Variants in HDAC9 observed in about 807,000 individuals in gnomAD.
HDAC9 encodes the protein histone deacetylase 9, also known as MEF-2 interacting transcription repressor (MITR) protein.
In HDAC9, 41 loss-of-function variants were observed where a neutral mutation model predicts 139.4. The ratio of observed to expected loss-of-function variants is 0.29; its 90% CI spans 0.23 to 0.38. HDAC9 has a LOEUF of 0.38. Among genes scored for constraint, HDAC9 ranks in the 10% least tolerant of loss-of-function variants. The probability of loss-of-function intolerance (pLI) is 1.00; values close to 1 mark genes in which losing one functional copy is unlikely to be tolerated. For synonymous variants in HDAC9, 517 were observed against 476.2 expected (o/e 1.09, Z -1.12); for missense variants, 1,147 against 1,297.0 (o/e 0.88, Z 1.78).
In HDAC9 at chr7:18,629,335, T is replaced by G; in HGVS notation, c.665-15T>G. 1.3e-6 allele frequency: 2 copies of G among 1,504,306 alleles called. No homozygotes were observed. The highest frequency in any genetic ancestry group is 1.8e-6 in the Non-Finnish European group (2 of 1,133,488). 93.2% of individuals were successfully genotyped at this position (1,504,306 alleles called of 1,614,324 possible). A position where few individuals can be genotyped will look rare whatever the true frequency, so the allele number is the denominator to read the frequency against. ...TAATTTTTATCTATTTTTTTTTTTT[T>G]GTCTCAATCCCCAGCCTCTGAGCCC... On this transcript the variant is annotated splice_polypyrimidine_tract_variant and intron_variant, in intron 6 of 25. Coordinates refer to ENST00000686413, the MANE Select transcript of HDAC9 (RefSeq NM_178425.4).
chr7:18,564,417 C>T (rs532020378), intron 2 of HDAC9, among the ~76,000 whole-genome samples: 14 of 152,132 alleles, frequency 9.2e-5, no homozygotes, highest in Admixed American at 4.6e-4. Context: ...TATTAAGCTT[C>T]CAAGTATTTT....
chr7:18,714,492 C>T (rs1435027296), intron 12 of HDAC9, among the ~76,000 whole-genome samples: 1 of 152,148 alleles, frequency 6.6e-6, no homozygotes, highest in African/African-American at 2.4e-5. Flanking sequence ...AACCAGCAGT[C>T]TTATGGAGTC....
chr7:18,502,340 A>G (rs1174758969), intron 2 of HDAC9: 2 of 152,106 alleles, frequency 1.3e-5, no homozygotes. Flanking sequence ...CTATTCTTTC[A>G]CTTGTTTTTC....
intron 16 of HDAC9, among the ~76,000 whole-genome samples, chr7:18,779,965 C>A (rs147426297): frequency 1.4e-3 from 206 of 152,132 alleles, no homozygotes; most frequent in Admixed American, 4.5e-3. Context: ...AGGCAGAGAG[C>A]CTTCATTTAG....
intron 6 of HDAC9, among the ~76,000 whole-genome samples, chr7:18,613,879 T>C (rs1447892601): frequency 6.6e-6 from 1 of 152,112 alleles, no homozygotes; most frequent in Non-Finnish European, 1.5e-5. Flanking sequence ...TCCTTAAAAT[T>C]TTAACCTCAT....
chr7:18,893,109 A>G lies in HDAC9; in HGVS notation c.2803+18513A>G, dbSNP rs185874706. Among the ~76,000 whole-genome samples the G allele has an allele frequency of 3.3e-5, 5 of 152,016 alleles. No homozygotes were observed. The East Asian group carries it at 9.7e-4, about 29-fold the overall frequency. On this transcript the variant is annotated intron_variant, in intron 22 of 25. Transcript: ENST00000686413. The stretch of plus-strand genomic sequence containing the variant: ...CATTACAGCAGTGAGAAGAACAGAC[A>G]TGCAAACACCTTCATATCTAGAGCT...
intron 8 of HDAC9, 74 bp downstream of exon 8, chr7:18,634,816 T>G: frequency 1.2e-6 from 1 of 850,614 alleles, no homozygotes; most frequent in Non-Finnish European, 1.9e-6. Flanking sequence ...GTGATATTTC[T>G]GAGTTGACCT....
At position 18,929,556 on chromosome 7, in the gene HDAC9, C is replaced by A. The variant is rs574906180; in HGVS notation, c.2804-6253C>A. Among the ~76,000 whole-genome samples the A allele has an allele frequency of 2.0e-4, 31 of 152,206 alleles. 1 individual carries two copies. The South Asian group carries it at 3.7e-3, about 18-fold the overall frequency. On this transcript the variant is annotated intron_variant, in intron 22 of 25. Coordinates refer to ENST00000686413, the MANE Select transcript of HDAC9 (RefSeq NM_178425.4). The stretch of plus-strand genomic sequence containing the variant: ...AAACAACCAGGCTACATGTAGGATT[C>A]TTTAGTAGTAGATGTGGTGTTTGAT...
chr7:18,875,953 C>A (rs10237177), intron 22 of HDAC9, among the ~76,000 whole-genome samples: 1,994 of 152,196 alleles, frequency 0.013, 41 homozygotes, highest in African/African-American at 0.045. Flanking sequence ...TTGTTCCTTG[C>A]CATTAAATCC....
At chr7:18,608,574 C>T (rs1204404940) in intron 6 of HDAC9, among the ~76,000 whole-genome samples, 1 of 152,064 alleles carries the variant, frequency 6.6e-6, no homozygotes, top group African/African-American at 2.4e-5. Flanking sequence ...TCTGTATTCT[C>T]ATATCATTGT....
At chr7:18,096,544 G>A (rs1017456003) in intron 1 of HDAC9, among the ~76,000 whole-genome samples, 1 of 152,140 alleles carries the variant, frequency 6.6e-6, no homozygotes, top group Non-Finnish European at 1.5e-5. Flanking sequence ...ACCTCAGTTT[G>A]AAATACACAG....
At position 18,866,589 on chromosome 7, in the gene HDAC9, G is replaced by T. The variant is rs73320036; in HGVS notation, c.2685-7889G>T. On this transcript the variant is annotated intron_variant, in intron 21 of 25. Transcript: ENST00000686413. ...AGAGTTACAACATATTTGCATTTTT[G>T]AATCCCAGCACCATCCCAGTGCTTC... Among the ~76,000 whole-genome samples the T allele has an allele frequency of 7.0e-3, 1,064 of 152,160 alleles. 16 individuals carry two copies. The highest frequency in any genetic ancestry group is 0.024 in the African/African-American group (993 of 41,504).
chr7:18,266,458 C>CA (rs1403323074), intron 2 of HDAC9, among the ~76,000 whole-genome samples: 1 of 152,092 alleles, frequency 6.6e-6, no homozygotes, highest in Non-Finnish European at 1.5e-5. Flanking sequence ...GCTTGCAACT[C>CA]AAACAATTGC....
chr7:18,214,979 T>G (rs975234802), intron 2 of HDAC9, among the ~76,000 whole-genome samples: 13 of 152,106 alleles, frequency 8.5e-5, no homozygotes, highest in Non-Finnish European at 2.9e-5. Flanking sequence ...AAAGATACCA[T>G]AAAATAATAG....
intron 21 of HDAC9, among the ~76,000 whole-genome samples, chr7:18,850,196 G>C (rs1184249241): frequency 6.6e-6 from 1 of 151,934 alleles, no homozygotes; most frequent in Non-Finnish European, 1.5e-5. Context: ...CATTTTATAG[G>C]TTCACAAAAA....
chr7:18,544,579 G>A (rs938070352), intron 2 of HDAC9, among the ~76,000 whole-genome samples: 6 of 152,156 alleles, frequency 3.9e-5, no homozygotes, highest in African/African-American at 1.2e-4. Context: ...AGTCTGTGAA[G>A]ATACAAGTTC....
At chr7:18,379,867 A>G (rs1400622112) in intron 1 of HDAC9, among the ~76,000 whole-genome samples, 1 of 152,198 alleles carries the variant, frequency 6.6e-6, no homozygotes, top group Non-Finnish European at 1.5e-5. Flanking sequence ...GATGCTGCAG[A>G]TTTCCTAAAG....
At chr7:18,232,173 G>A (rs1385723389) in intron 2 of HDAC9, among the ~76,000 whole-genome samples, 1 of 152,112 alleles carries the variant, frequency 6.6e-6, no homozygotes, top group Non-Finnish European at 1.5e-5. Context: ...AGCTGGGGTC[G>A]TCTCCCTCCT....
intron 1 of HDAC9, among the ~76,000 whole-genome samples, chr7:18,475,467 C>G (rs1289820419): frequency 6.6e-6 from 1 of 152,138 alleles, no homozygotes; most frequent in Non-Finnish European, 1.5e-5. Context: ...CTATCATTAT[C>G]AGAAATTACT....
Sources: gnomAD v4.1 joint callset for allele counts (sites outside exome capture counted in the v4.1 genomes callset) on GRCh38, gnomAD v4.1.1 for gene constraint, MANE v1.5 for transcripts, NCBI Gene and HGNC (gene_info 2026-07-23, HGNC 2026-07-21) for gene names.